RNF220: variants seen among roughly 807,000 people sequenced by gnomAD.
RNF220 encodes the protein ring finger protein 220.
A neutral mutation model predicts 67.1 loss-of-function variants in RNF220; 7 were observed. The observed-to-expected ratio is 0.10, with a 90% CI of 0.06 to 0.20. RNF220 has a LOEUF of 0.20. RNF220 is among the 10% of genes least tolerant of loss of function. RNF220 has a pLI of 1.00. For synonymous variants in RNF220, 270 were observed against 283.2 expected, an observed-to-expected ratio of 0.95 and a Z score of 0.47; for missense variants, 565 against 740.3, an observed-to-expected ratio of 0.76 and a Z score of 2.75.
intron 2 of RNF220, among the ~76,000 whole-genome samples, chr1:44,484,948 C>G (rs1370230349): frequency 6.6e-6 from 1 of 152,122 alleles, no homozygotes; most frequent in African/African-American, 2.4e-5. Context: ...TCGAGGCCAT[C>G]CTGGCTAACA....
chr1:44,467,050 T>C (rs1265623046), intron 2 of RNF220, among the ~76,000 whole-genome samples: 1 of 152,230 alleles, frequency 6.6e-6, no homozygotes, highest in Admixed American at 6.5e-5. Flanking sequence ...GAAAACACAT[T>C]GTTTAGTGCA....
chr1:44,547,144 GAGAC>G (rs1171892864), intron 2 of RNF220, among the ~76,000 whole-genome samples: 16 of 152,182 alleles, frequency 1.1e-4, no homozygotes, highest in Admixed American at 9.8e-4. Flanking sequence ...ACAGCCCTGT[GAGAC>G]AGAGCTGAAG....
At chr1:44,568,503 A>G (rs1418203403) in intron 2 of RNF220, among the ~76,000 whole-genome samples, 1 of 152,202 alleles carries the variant, frequency 6.6e-6, no homozygotes, top group East Asian at 1.9e-4. Flanking sequence ...TGTTTGTTTA[A>G]TGTCTGCCAA....
In RNF220 at chr1:44,423,180, G is replaced by A. The variant is rs560920735; in HGVS notation, c.625+10458G>A. On this transcript the variant is annotated intron_variant, in intron 2 of 14. Coordinates refer to ENST00000361799, the MANE Select transcript of RNF220 (RefSeq NM_018150.4). ...TAAGAGTCAGGGATAGCTTTCTGGA[G>A]CAAGTGACCTTTACGCTGATATCTG... Among the ~76,000 whole-genome samples, 26 of 152,352 alleles carry A rather than the reference G, an allele frequency of 1.7e-4. No individual in the cohort carries two copies. In the South Asian group the frequency reaches 5.2e-3, roughly 30 times the overall value.
Position 44,424,657 on chromosome 1 carries a change from T to C in RNF220, c.625+11935T>C, listed in dbSNP as rs542986813. Among the ~76,000 whole-genome samples, 8 of 152,324 alleles carry C rather than the reference T, an allele frequency of 5.3e-5. No homozygotes were observed. In the East Asian group the frequency reaches 1.2e-3, roughly 22 times the overall value. ...ACAGTACCTTCCTCATCCAGTCTCC[T>C]GTCTTGGGGAGGATCTGTCCACCTG... On this transcript the variant is annotated intron_variant, in intron 2 of 14. Transcript: ENST00000361799.
intron 8 of RNF220, chr1:44,636,639 G>C: frequency 1.7e-6 from 1 of 584,790 alleles, no homozygotes; most frequent in Non-Finnish European, 3.1e-6. Context: ...ATCAGTTACA[G>C]AGGAGAGTGA....
chr1:44,575,943 A>G (rs895346620), intron 2 of RNF220, among the ~76,000 whole-genome samples: 2 of 152,210 alleles, frequency 1.3e-5, no homozygotes, highest in East Asian at 3.8e-4. Context: ...ATGCTCCATA[A>G]TGGGCCCTGG....
At chr1:44,558,370 T>C (rs1424177602) in intron 2 of RNF220, among the ~76,000 whole-genome samples, 1 of 151,596 alleles carries the variant, frequency 6.6e-6, no homozygotes, top group Non-Finnish European at 1.5e-5. Context: ...TGGCACCAGG[T>C]GAAATATCAG....
At chr1:44,508,956 A>T (rs962582517) in intron 2 of RNF220, among the ~76,000 whole-genome samples, 1 of 152,178 alleles carries the variant, frequency 6.6e-6, no homozygotes, top group African/African-American at 2.4e-5. Context: ...AAAATGGGGC[A>T]TCCCCTGGAG....
rs931699394 is a variant in RNF220 at position 44,565,867 on chromosome 1, G to A, written c.626-48298G>A. 6.6e-6 allele frequency among the ~76,000 whole-genome samples: 1 copy of A among 152,122 alleles called. No individual in the cohort carries two copies. The highest frequency in any genetic ancestry group is 2.4e-5 in the African/African-American group (1 of 41,426). On this transcript the variant is annotated intron_variant, in intron 2 of 14. Transcript: ENST00000361799. This position sits in a 1 kb window ranked among gnomAD's most constrained non-coding sequence, Gnocchi z 4.2. ...CTTACCTGTCCTCTGAAGCCAGTTTGCTAAGTCTTGAATCCCACCTCATGG... is the reference window on the plus strand; with the variant it reads ...CTTACCTGTCCTCTGAAGCCAGTTTACTAAGTCTTGAATCCCACCTCATGG...
At chr1:44,575,344 A>G (rs1371088283) in intron 2 of RNF220, among the ~76,000 whole-genome samples, 1 of 152,178 alleles carries the variant, frequency 6.6e-6, no homozygotes, top group African/African-American at 2.4e-5. Flanking sequence ...GCTGAAAATG[A>G]CAGGATTTCA....
At chr1:44,561,419 G>A (rs541694928) in intron 2 of RNF220, among the ~76,000 whole-genome samples, 30 of 152,278 alleles carry the variant, frequency 2.0e-4, no homozygotes, top group African/African-American at 7.2e-4. Context: ...CTGAGGCAGA[G>A]AATTGCTTGA....
chr1:44,501,268 G>A (rs1227378499), intron 2 of RNF220, among the ~76,000 whole-genome samples: 2 of 152,040 alleles, frequency 1.3e-5, no homozygotes, highest in African/African-American at 2.4e-5. Flanking sequence ...ATGGGGAGGA[G>A]TAGAGAGTGG....
chr1:44,618,532 C>T (rs1464747353), intron 3 of RNF220, among the ~76,000 whole-genome samples: 1 of 152,232 alleles, frequency 6.6e-6, no homozygotes, highest in Non-Finnish European at 1.5e-5. Context: ...AACCCCTTCA[C>T]AGGGGTTCCA....
chr1:44,555,937 G>T (rs957180960), intron 2 of RNF220, among the ~76,000 whole-genome samples: 2 of 150,452 alleles, frequency 1.3e-5, no homozygotes, highest in Non-Finnish European at 1.5e-5. Context: ...GTCGTTAATT[G>T]TCTCCTCCTT....
At chr1:44,409,809 A>AT (rs1268156224) in intron 1 of RNF220, among the ~76,000 whole-genome samples, 1 of 152,080 alleles carries the variant, frequency 6.6e-6, no homozygotes, top group Non-Finnish European at 1.5e-5. Flanking sequence ...TTAACTATAG[A>AT]TTTTCATAAT....
intron 2 of RNF220, among the ~76,000 whole-genome samples, chr1:44,536,252 G>A (rs1243415167): frequency 6.6e-6 from 1 of 152,164 alleles, no homozygotes; most frequent in Non-Finnish European, 1.5e-5. Context: ...AGGCAGAAAC[G>A]AACTCTTTGC....
At chr1:44,571,373 CTT>C (rs1488612743) in intron 2 of RNF220, among the ~76,000 whole-genome samples, 2 of 152,210 alleles carry the variant, frequency 1.3e-5, no homozygotes, top group African/African-American at 4.8e-5. Flanking sequence ...TCAAATGTCA[CTT>C]CTTCAGAGAG....
At chr1:44,502,778 T>G (rs529968562) in intron 2 of RNF220, among the ~76,000 whole-genome samples, 3 of 152,196 alleles carry the variant, frequency 2.0e-5, no homozygotes, top group African/African-American at 7.2e-5. Flanking sequence ...TAAATTATTA[T>G]TTTAGAGACA....
Sources: allele counts gnomAD v4.1 joint callset (sites outside exome capture counted in the v4.1 genomes callset), GRCh38; gene constraint gnomAD v4.1.1; non-coding constraint Gnocchi (gnomAD v3.1); transcripts MANE v1.5; gene names NCBI Gene and HGNC (gene_info 2026-07-23, HGNC 2026-07-21).